The following PTK7 variants were observed in gnomAD, a reference collection of about 807,000 sequenced individuals.
PTK7 encodes inactive tyrosine-protein kinase 7.
PTK7 carries 39 observed loss-of-function variants against 116.6 expected under a neutral mutation model. The ratio of observed to expected loss-of-function variants is 0.33; its 90% confidence interval spans 0.26 to 0.44. The LOEUF is 0.44. PTK7 is among the 20% of genes least tolerant of loss of function. The pLI is 1.00. For missense variants in PTK7, 1,169 were observed against 1,425.6 expected (o/e 0.82, Z 2.90); for synonymous variants, 546 against 563.6 (o/e 0.97, Z 0.44).
In PTK7 at chr6:43,129,416, A is replaced by G; in HGVS notation, c.367+152A>G. 1.8e-6 allele frequency: 2 copies of G among 1,082,180 alleles called. No homozygotes were observed. Among genetic ancestry groups the G allele is most frequent in the Non-Finnish European group, 2.6e-6 (2 of 764,386 alleles). 67.0% of individuals were successfully genotyped at this position (1,082,180 alleles called of 1,614,324 possible). A position where few individuals can be genotyped will look rare whatever the true frequency, so the allele number is the denominator to read the frequency against. On this transcript the variant is annotated intron_variant, in intron 2 of 19. Coordinates refer to ENST00000230419, the MANE Select transcript of PTK7 (RefSeq NM_002821.5). This position sits in a 1 kb window ranked among gnomAD's most constrained non-coding sequence, Gnocchi z 4.5. ...ATCAGCTTTTTTTGCTCATGTGGAT[A>G]AGAGGAAATTAAAAGTTATATTTTT...
chr6:43,145,130 C>T lies in PTK7; in HGVS notation c.2408-70C>T. 7.1e-7 allele frequency: 1 copy of T among 1,410,522 alleles called. No homozygotes were observed. The highest frequency in any genetic ancestry group is 9.6e-7 in the Non-Finnish European group (1 of 1,043,976). The allele number at this position is 1,410,522 out of a possible 1,614,324, so 87.4% of individuals were successfully genotyped here. ...GGTCCCCACTGTGGGAGAGGCTAGG[C>T]CCCTCCCCCAGGTCAGGAGCTGCCT... On this transcript the variant is annotated intron_variant, in intron 15 of 19. Coordinates refer to ENST00000230419, the MANE Select transcript of PTK7 (RefSeq NM_002821.5). This position sits in a 1 kb window ranked among gnomAD's most constrained non-coding sequence, Gnocchi z 4.8.
At chr6:43,159,727 G>T in intron 18 of PTK7, 61 bp from the exon 19 acceptor site, 1 of 1,551,612 alleles carries the variant, frequency 6.4e-7, no homozygotes. Flanking sequence ...GGGGAGATGA[G>T]GGTGCAGCGC....
At chr6:43,095,186 C>G (rs1212681489) in intron 1 of PTK7, among the ~76,000 whole-genome samples, 1 of 144,740 alleles carries the variant, frequency 6.9e-6, no homozygotes, top group African/African-American at 2.6e-5. Context: ...ATGGAGAAAC[C>G]CAGTCTCTAC....
At chr6:43,157,188 CA>C (rs1771486434) in intron 17 of PTK7, among the ~76,000 whole-genome samples, 1 of 140,326 alleles carries the variant, frequency 7.1e-6, no homozygotes, top group Admixed American at 7.2e-5. Context: ...TTTTTTCCCA[CA>C]AAAAAATGTA....
At chr6:43,094,009 C>G (rs1433596428) in intron 1 of PTK7, among the ~76,000 whole-genome samples, 1 of 152,186 alleles carries the variant, frequency 6.6e-6, no homozygotes, top group Non-Finnish European at 1.5e-5. Context: ...TATACTTCTA[C>G]GCAAAGGAAG....
chr6:43,159,784 G>C lies in PTK7; in HGVS notation c.2874-4G>C, dbSNP rs745881387. 9.9e-6 allele frequency: 16 copies of C among 1,614,200 alleles called. 1 individual carries two copies. In the Admixed American group the frequency reaches 2.3e-4, roughly 24 times the overall value. On this transcript the variant is annotated splice_region_variant and splice_polypyrimidine_tract_variant and intron_variant, in intron 18 of 19. Transcript: ENST00000230419. ...CTCACCCCTGGGTTGCTTCTCTCCT[G>C]CAGTGAGTACTACCACTTCCGCCAG...
Position 43,091,034 on chromosome 6 carries a change from C to A in PTK7, c.79+14467C>A, listed in dbSNP as rs745881053. ...GGATCTGTCTGAAGCCTGGCTGCCC[C>A]CTCCTTGCTCCCCGCTTCCCAGGGA... On this transcript the variant is annotated intron_variant, in intron 1 of 19. Coordinates refer to ENST00000230419, the MANE Select transcript of PTK7 (RefSeq NM_002821.5). 4.6e-5 allele frequency among the ~76,000 whole-genome samples: 7 copies of A among 152,300 alleles called. No homozygotes were observed. In the East Asian group the frequency reaches 7.7e-4, roughly 17 times the overall value.
At chr6:43,127,437 A>G (rs1050270112) in intron 1 of PTK7, among the ~76,000 whole-genome samples, 3 of 152,322 alleles carry the variant, frequency 2.0e-5, no homozygotes, top group African/African-American at 4.8e-5. Flanking sequence ...CCCATCTGCC[A>G]TACAGTGTAG....
chr6:43,081,916 G>C (rs1425982000), intron 1 of PTK7, among the ~76,000 whole-genome samples: 1 of 152,122 alleles, frequency 6.6e-6, no homozygotes, highest in African/African-American at 2.4e-5. Flanking sequence ...TTCCTTCCCT[G>C]ATCCTGGGCT....
chr6:43,107,215 C>T (rs562140367), intron 1 of PTK7, among the ~76,000 whole-genome samples: 18 of 152,130 alleles, frequency 1.2e-4, no homozygotes, highest in Non-Finnish European at 2.6e-4. Flanking sequence ...TGAGCCACCT[C>T]GCCTGGACTC....
chr6:43,157,358 A>ATTTTTT (rs1205979544), intron 17 of PTK7, among the ~76,000 whole-genome samples: 1 of 3,754 alleles, frequency 2.7e-4, no homozygotes. Flanking sequence ...ATATATATAT[A>ATTTTTT]TATATATTTT....
intron 1 of PTK7, among the ~76,000 whole-genome samples, chr6:43,083,091 AGCCAAGAGCAGT>A (rs1312243966): frequency 6.6e-6 from 1 of 152,148 alleles, no homozygotes; most frequent in African/African-American, 2.4e-5. Flanking sequence ...CTAGTGTTGG[AGCCAAGAGCAGT>A]TTGGGGCCAA....
chr6:43,120,256 C>T (rs1425002761), intron 1 of PTK7, among the ~76,000 whole-genome samples: 3 of 152,314 alleles, frequency 2.0e-5, no homozygotes, highest in Admixed American at 6.5e-5. Context: ...GTATTTACTG[C>T]GTGTCCCAGG....
chr6:43,087,074 T>G (rs892962350), intron 1 of PTK7, among the ~76,000 whole-genome samples: 1 of 152,202 alleles, frequency 6.6e-6, no homozygotes, highest in Non-Finnish European at 1.5e-5. Flanking sequence ...TCTAAAGTCA[T>G]GTTTCAAGTG....
At chr6:43,101,031 G>C (rs1188710116) in intron 1 of PTK7, among the ~76,000 whole-genome samples, 3 of 151,458 alleles carry the variant, frequency 2.0e-5, no homozygotes, top group Admixed American at 1.3e-4. Context: ...TCCAGAGTTC[G>C]AGACCAGCCT....
intron 7 of PTK7, 151 bp from the exon 8 acceptor site, chr6:43,138,698 G>T: frequency 9.1e-7 from 1 of 1,101,636 alleles, no homozygotes; most frequent in Non-Finnish European, 1.3e-6. Flanking sequence ...GCTGGCACCT[G>T]GGTCTTCCGT....
intron 1 of PTK7, among the ~76,000 whole-genome samples, chr6:43,085,359 C>G (rs929730499): frequency 1.3e-5 from 2 of 152,126 alleles, no homozygotes; most frequent in African/African-American, 2.4e-5. Context: ...CGCCATTCTC[C>G]TCCCTCAGCC....
At chr6:43,128,801 A>G (rs1483651421) in intron 1 of PTK7, among the ~76,000 whole-genome samples, 176 bp from the exon 2 acceptor site, 3 of 152,214 alleles carry the variant, frequency 2.0e-5, no homozygotes, top group African/African-American at 7.2e-5. Flanking sequence ...CTCAAAAAGA[A>G]AAAGAAAAGT....
At chr6:43,106,298 T>A (rs946938890) in intron 1 of PTK7, among the ~76,000 whole-genome samples, 1 of 152,140 alleles carries the variant, frequency 6.6e-6, no homozygotes, top group Non-Finnish European at 1.5e-5. Context: ...GTCCCGTTCC[T>A]TTTTTTGTTT....
Sources: allele counts gnomAD v4.1 joint callset (sites outside exome capture counted in the v4.1 genomes callset), GRCh38; gene constraint gnomAD v4.1.1; non-coding constraint Gnocchi (gnomAD v3.1); transcripts MANE v1.5; gene names NCBI Gene and HGNC (gene_info 2026-07-23, HGNC 2026-07-21).